Variants in FUT8 observed in about 807,000 individuals in gnomAD.
FUT8 encodes the protein alpha-(1,6)-fucosyltransferase.
Under a neutral mutation model 71.3 loss-of-function variants are expected in FUT8, and 29 were observed. That is an observed-to-expected ratio of 0.41 (90% CI 0.30 to 0.55). FUT8 has a LOEUF of 0.55. Among genes scored for constraint, FUT8 ranks in the 20% least tolerant of loss-of-function variants. The pLI is 0.34. For missense variants in FUT8, 544 were observed against 702.1 expected, an observed-to-expected ratio of 0.77 and a Z score of 2.55; for synonymous variants, 254 against 239.3, an observed-to-expected ratio of 1.06 and a Z score of -0.57.
At chr14:65,658,236 A>T (rs999500568) in intron 6 of FUT8, among the ~76,000 whole-genome samples, 2 of 152,168 alleles carry the variant, frequency 1.3e-5, no homozygotes, top group Non-Finnish European at 2.9e-5. Flanking sequence ...GTTATTAGGG[A>T]AATGCAAAAG....
chr14:65,562,355 A>G (rs1464853039), intron 3 of FUT8, among the ~76,000 whole-genome samples: 1 of 152,168 alleles, frequency 6.6e-6, no homozygotes, highest in Middle Eastern at 3.2e-3. Context: ...ACTAGAACTT[A>G]TTAAAATGCA....
chr14:65,715,552 A>G (rs941323342), intron 7 of FUT8, among the ~76,000 whole-genome samples: 1 of 152,108 alleles, frequency 6.6e-6, no homozygotes. Context: ...TCATTAGGTC[A>G]TTTATTTGAA....
chr14:65,385,152 G>A, the FUT8 span, among the ~76,000 whole-genome samples: 2 of 151,856 alleles, frequency 1.3e-5, no homozygotes, highest in African/African-American at 4.8e-5. Flanking sequence ...ACCTGCCTCG[G>A]TCTCCCAAAG....
rs377152238 is a variant in FUT8, at chr14:65,483,370, C to T, written c.-228+27652C>T. Among the ~76,000 whole-genome samples, 3 of 152,164 alleles carry T rather than the reference C, an allele frequency of 2.0e-5. No homozygotes were observed. The highest frequency in any genetic ancestry group is 1.3e-4 in the Admixed American group (2 of 15,276). ...TTAGTTAATTAGCTGTTTCTCCAAC[C>T]CCATGTTAAATAGTTAGTGATCCTT... On this transcript the variant is annotated intron_variant, in intron 2 of 10. Coordinates refer to ENST00000673929, the MANE Select transcript of FUT8 (RefSeq NM_001371533.1). The surrounding 1 kb of genome is among the most constrained non-coding windows in gnomAD (Gnocchi z 4.4).
intron 7 of FUT8, among the ~76,000 whole-genome samples, chr14:65,685,945 C>G (rs952238112): frequency 6.6e-6 from 1 of 152,182 alleles, no homozygotes; most frequent in Non-Finnish European, 1.5e-5. Context: ...AGACCTGTAT[C>G]TTGTGCTGAC....
intron 3 of FUT8, among the ~76,000 whole-genome samples, chr14:65,595,692 T>A (rs1339963075): frequency 7.4e-6 from 1 of 135,384 alleles, no homozygotes; most frequent in Non-Finnish European, 1.5e-5. Context: ...CACTGCAAGC[T>A]CCGCCTCCCG....
chr14:65,721,599 C>T (rs768819430), intron 7 of FUT8, among the ~76,000 whole-genome samples, 176 bp from the exon 8 acceptor site: 1 of 152,188 alleles, frequency 6.6e-6, no homozygotes, highest in Non-Finnish European at 1.5e-5. Flanking sequence ...GTGAAATTCA[C>T]CTCCGTCACT....
At position 65,607,792 on chromosome 14, in the gene FUT8, G is replaced by A. The variant is rs1364944621; in HGVS notation, c.204-8186G>A. On this transcript the variant is annotated intron_variant, in intron 3 of 10. Coordinates refer to ENST00000673929, the MANE Select transcript of FUT8 (RefSeq NM_001371533.1). The surrounding 1 kb of genome is among the most constrained non-coding windows in gnomAD (Gnocchi z 4.1). ...AAAATGCTAGAACCTGGCCAGGCAC[G>A]GTAGCTCATGCCTGTAATCCCAGCA... Among the ~76,000 whole-genome samples the A allele has an allele frequency of 6.6e-6, 1 of 151,620 alleles. No homozygotes were observed. Among genetic ancestry groups the A allele is most frequent in the African/African-American group, 2.4e-5 (1 of 41,308 alleles).
chr14:65,741,345 A>T (rs569177892), intron 10 of FUT8, among the ~76,000 whole-genome samples: 2 of 152,084 alleles, frequency 1.3e-5, no homozygotes, highest in South Asian at 4.1e-4. Context: ...TTAGAACAGA[A>T]ATTGCCGATG....
intron 2 of FUT8, among the ~76,000 whole-genome samples, chr14:65,509,037 T>C (rs987941889): frequency 2.6e-5 from 4 of 152,216 alleles, no homozygotes; most frequent in African/African-American, 9.6e-5. Context: ...TGTTTTATTT[T>C]AGTCATTTCA....
At chr14:65,575,783 C>T (rs1886740701) in intron 3 of FUT8, among the ~76,000 whole-genome samples, 1 of 152,020 alleles carries the variant, frequency 6.6e-6, no homozygotes, top group South Asian at 2.1e-4. Flanking sequence ...TGTGGCCTGG[C>T]TAATTTTTGT....
intron 6 of FUT8, among the ~76,000 whole-genome samples, chr14:65,637,974 T>C (rs1890646181): frequency 6.6e-6 from 1 of 152,172 alleles, no homozygotes; most frequent in African/African-American, 2.4e-5. Flanking sequence ...CCACAGGTGC[T>C]AAAACCACAA....
chr14:65,516,001 T>C lies in FUT8; in HGVS notation c.-227-45336T>C, dbSNP rs984331283. On this transcript the variant is annotated intron_variant, in intron 2 of 10. Transcript: ENST00000673929. ...TAGCATATTGTTTGCTAATCACTTT[T>C]AAGTAATCTCAGTTTAGCTGGTTGT... 4.1e-4 allele frequency among the ~76,000 whole-genome samples: 63 copies of C among 152,246 alleles called. 1 individual carries two copies. Among genetic ancestry groups the C allele is most frequent in the African/African-American group, 1.4e-3 (58 of 41,544 alleles).
At chr14:65,434,814 A>G (rs190225536) in intron 1 of FUT8, among the ~76,000 whole-genome samples, 8 of 152,016 alleles carry the variant, frequency 5.3e-5, no homozygotes, top group African/African-American at 1.9e-4. Flanking sequence ...CCAATTTGGC[A>G]TATTTCCTTT....
chr14:65,365,143 C>T, the FUT8 span, among the ~76,000 whole-genome samples: 1 of 152,174 alleles, frequency 6.6e-6, no homozygotes, highest in East Asian at 1.9e-4. Context: ...GTTTTACTTC[C>T]AGTTAAAGCA....
At chr14:65,411,084 G>C (rs1444446874), upstream of FUT8, 1 of 152,222 alleles carries the variant, frequency 6.6e-6, no homozygotes, top group East Asian at 1.9e-4. Context: ...AACAACCAAA[G>C]TGTGTCACTT....
intron 2 of FUT8, among the ~76,000 whole-genome samples, chr14:65,512,907 C>G: frequency 1.2e-5 from 1 of 83,980 alleles, no homozygotes; most frequent in East Asian, 2.8e-4. Context: ...GACTCTGTCT[C>G]AAAAAAAAAA....
chr14:65,498,412 A>T (rs749809019), intron 2 of FUT8, among the ~76,000 whole-genome samples: 1 of 152,198 alleles, frequency 6.6e-6, no homozygotes, highest in Non-Finnish European at 1.5e-5. Flanking sequence ...TGGGTTAAGT[A>T]ACTGTATTTT....
chr14:65,475,324 A>G (rs1191691768), intron 2 of FUT8, among the ~76,000 whole-genome samples: 1 of 152,178 alleles, frequency 6.6e-6, no homozygotes, highest in Non-Finnish European at 1.5e-5. Flanking sequence ...CACATGTCAT[A>G]GGCGTAGGAG....
Sources: allele counts gnomAD v4.1 joint callset (sites outside exome capture counted in the v4.1 genomes callset), GRCh38; gene constraint gnomAD v4.1.1; non-coding constraint Gnocchi (gnomAD v3.1); transcripts MANE v1.5; gene names NCBI Gene and HGNC (gene_info 2026-07-23, HGNC 2026-07-21).